EPHA3: variants seen among roughly 807,000 people sequenced by gnomAD.
EPHA3 encodes the protein ephrin type-A receptor 3.
EPHA3 carries 42 observed loss-of-function variants against 107.1 expected under a neutral mutation model. The ratio of observed to expected loss-of-function variants is 0.39; its 90% confidence interval spans 0.31 to 0.51. The LOEUF is 0.51. EPHA3 is among the 20% of genes least tolerant of loss of function. EPHA3 has a pLI of 0.78. For synonymous variants in EPHA3, 461 were observed against 424.8 expected (o/e 1.09, Z -1.05); for missense variants, 1,183 against 1,211.2 (o/e 0.98, Z 0.35).
chr3:89,293,573 G>A (rs1675762648), intron 3 of EPHA3, among the ~76,000 whole-genome samples: 1 of 152,232 alleles, frequency 6.6e-6, no homozygotes, highest in African/African-American at 2.4e-5. Flanking sequence ...GAACTTGGTG[G>A]GAGGTGATTG....
Position 89,136,330 on chromosome 3 carries a change from C to CTTTTTTTTTTTTTTTTTTTTTT in EPHA3, c.153+9060_153+9081dup, listed in dbSNP as rs67054298. ...GAAAAACATGGCAAAATCTTACAGG[C>CTTTTTTTTTTTTTTTTTTTTTT]TTTTTTTTTTTTTTTTTTTTTTTTG... is the stretch of plus-strand genomic sequence containing the variant. On this transcript the variant is annotated intron_variant, in intron 2 of 16. Coordinates refer to ENST00000336596, the MANE Select transcript of EPHA3 (RefSeq NM_005233.6). Among the ~76,000 whole-genome samples, 7 of 23,382 alleles carry CTTTTTTTTTTTTTTTTTTTTTT rather than the reference C, an allele frequency of 3.0e-4. 1 individual carries two copies. Among genetic ancestry groups the CTTTTTTTTTTTTTTTTTTTTTT allele is most frequent in the East Asian group, 1.3e-3 (1 of 760 alleles). The allele number at this position is 23,382 out of a possible 152,430, so 15.3% of individuals were successfully genotyped here. A position where few individuals can be genotyped will look rare whatever the true frequency, so the allele number is the denominator to read the frequency against.
At chr3:89,299,656 T>G (rs1356213710) in intron 3 of EPHA3, among the ~76,000 whole-genome samples, 1 of 151,984 alleles carries the variant, frequency 6.6e-6, no homozygotes, top group Non-Finnish European at 1.5e-5. Flanking sequence ...AAGTATTCTA[T>G]CCAAGATGAT....
In EPHA3 at chr3:89,129,602, GTT is replaced by G. The variant is rs11378105; in HGVS notation, c.153+2344_153+2345del. On this transcript the variant is annotated intron_variant, in intron 2 of 16. Coordinates refer to ENST00000336596, the MANE Select transcript of EPHA3 (RefSeq NM_005233.6). ...GTGCAGATTTAGAAAACATTAGATT[GTT>G]TTTTTTTTTTTTTTGAGAAACTGAC... Among the ~76,000 whole-genome samples the G allele has an allele frequency of 2.7e-3, 359 of 134,378 alleles. 1 individual carries two copies. The highest frequency in any genetic ancestry group is 8.6e-3 in the African/African-American group (318 of 37,080). 88.2% of individuals were successfully genotyped at this position (134,378 alleles called of 152,430 possible). A position where few individuals can be genotyped will look rare whatever the true frequency, so the allele number is the denominator to read the frequency against.
intron 3 of EPHA3, among the ~76,000 whole-genome samples, chr3:89,259,098 G>A (rs1057415185): frequency 6.6e-6 from 1 of 152,110 alleles, no homozygotes; most frequent in African/African-American, 2.4e-5. Flanking sequence ...TGGGGATGCT[G>A]TACAGTTTTA....
intron 15 of EPHA3, among the ~76,000 whole-genome samples, chr3:89,455,047 C>T (rs1004197732): frequency 5.3e-5 from 8 of 152,018 alleles, no homozygotes; most frequent in Non-Finnish European, 1.2e-4. Flanking sequence ...TCTTGCTTCT[C>T]CAATGTTATT....
Position 89,210,060 on chromosome 3 carries a change from G to A in EPHA3, c.354G>A (p.Glu118=). The change falls in exon 3 of 17, where the codon GAG becomes GAA. Residue 118 remains glutamate (E), a synonymous_variant. Coordinates refer to ENST00000336596, the MANE Select transcript of EPHA3 (RefSeq NM_005233.6). ...SIPLVLGTCK[E]TFNLYYMESD... is the part of the protein sequence containing the mutation. ...CATTGGTTTTAGGAACTTGCAAGGAGACATTCAACCTGTACTACATGGAGT... is the reference window on the plus strand; with the variant it reads ...CATTGGTTTTAGGAACTTGCAAGGAAACATTCAACCTGTACTACATGGAGT... 1 of 1,614,004 alleles carries A rather than the reference G, an allele frequency of 6.2e-7. No homozygotes were observed. The highest frequency in any genetic ancestry group is 8.5e-7 in the Non-Finnish European group (1 of 1,179,928).
At chr3:89,208,160 C>T (rs1212884598) in intron 2 of EPHA3, among the ~76,000 whole-genome samples, 1 of 151,608 alleles carries the variant, frequency 6.6e-6, no homozygotes, top group Non-Finnish European at 1.5e-5. Flanking sequence ...GATCACGAGG[C>T]CAGGAGTTCA....
chr3:89,292,594 A>G (rs576667576), intron 3 of EPHA3, among the ~76,000 whole-genome samples: 2 of 152,276 alleles, frequency 1.3e-5, no homozygotes, highest in Admixed American at 1.3e-4. Flanking sequence ...TGATTTTCCA[A>G]TTTGTAAATA....
chr3:89,206,263 A>G (rs1241694912), intron 2 of EPHA3, among the ~76,000 whole-genome samples: 2 of 152,134 alleles, frequency 1.3e-5, no homozygotes, highest in African/African-American at 4.8e-5. Flanking sequence ...TATCTTGCCA[A>G]ATGTTAAACT....
chr3:89,435,524 A>G (rs1331160652), intron 13 of EPHA3, among the ~76,000 whole-genome samples: 2 of 146,180 alleles, frequency 1.4e-5, no homozygotes, highest in Non-Finnish European at 3.0e-5. Context: ...TGCTATATCT[A>G]TATAAATACT....
At chr3:89,189,404 A>G (rs1253038107) in intron 2 of EPHA3, among the ~76,000 whole-genome samples, 1 of 151,942 alleles carries the variant, frequency 6.6e-6, no homozygotes, top group Non-Finnish European at 1.5e-5. Context: ...ACCATCCTGG[A>G]CAATAGGGTG....
At chr3:89,203,181 A>G (rs1706012657) in intron 2 of EPHA3, among the ~76,000 whole-genome samples, 1 of 151,938 alleles carries the variant, frequency 6.6e-6, no homozygotes, top group Non-Finnish European at 1.5e-5. Context: ...GCCAAGGGAT[A>G]TATAGCATTA....
chr3:89,275,162 A>G (rs1705775742), intron 3 of EPHA3, among the ~76,000 whole-genome samples: 1 of 152,024 alleles, frequency 6.6e-6, no homozygotes, highest in Non-Finnish European at 1.5e-5. Flanking sequence ...CAGGTTTTAT[A>G]TATATCAACC....
chr3:89,318,969 T>C (rs1246229101), intron 3 of EPHA3, among the ~76,000 whole-genome samples: 3 of 151,938 alleles, frequency 2.0e-5, no homozygotes, highest in Non-Finnish European at 4.4e-5. Flanking sequence ...CCACATTTCC[T>C]TGGTTTTCTT....
intron 11 of EPHA3, among the ~76,000 whole-genome samples, chr3:89,423,192 T>C (rs576920081): frequency 6.1e-4 from 92 of 151,528 alleles, no homozygotes; most frequent in African/African-American, 2.1e-3. Context: ...TTTTAAAAAA[T>C]TACCATGTAA....
chr3:89,266,855 A>G (rs1370203562), intron 3 of EPHA3, among the ~76,000 whole-genome samples: 1 of 152,154 alleles, frequency 6.6e-6, no homozygotes, highest in Non-Finnish European at 1.5e-5. Flanking sequence ...ATACAAAATA[A>G]CATTCTCAAA....
chr3:89,393,789 T>TA (rs200696508), intron 5 of EPHA3, among the ~76,000 whole-genome samples: 2 of 151,142 alleles, frequency 1.3e-5, no homozygotes, highest in Admixed American at 6.6e-5. Context: ...AAATTTTTTT[T>TA]TAAAAAATCC....
chr3:89,377,890 AAAAATGTTC>A (rs1434378126), intron 5 of EPHA3, among the ~76,000 whole-genome samples: 1 of 152,210 alleles, frequency 6.6e-6, no homozygotes, highest in Non-Finnish European at 1.5e-5. Context: ...GAACACATAG[AAAAATGTTC>A]AAAATCATTC....
At chr3:89,179,390 C>A (rs979980429) in intron 2 of EPHA3, among the ~76,000 whole-genome samples, 2 of 151,948 alleles carry the variant, frequency 1.3e-5, no homozygotes, top group Admixed American at 1.3e-4. Flanking sequence ...TAATTAGTTA[C>A]CACCATTTGC....
Sources: gnomAD v4.1 joint callset for allele counts (sites outside exome capture counted in the v4.1 genomes callset) on GRCh38, gnomAD v4.1.1 for gene constraint, MANE v1.5 for transcripts, NCBI Gene and HGNC (gene_info 2026-07-23, HGNC 2026-07-21) for gene names.